The following PPP1R21 variants were observed in gnomAD, a reference collection of about 807,000 sequenced individuals.
PPP1R21 encodes the protein protein phosphatase 1 regulatory subunit 21.
PPP1R21 carries 85 observed loss-of-function variants against 112.8 expected under a neutral mutation model. That is an observed-to-expected ratio of 0.75 (90% confidence interval 0.63 to 0.90). PPP1R21 has a LOEUF of 0.90. PPP1R21 is among the 40% of genes least tolerant of loss of function. PPP1R21 has a pLI of 0.00. For missense variants in PPP1R21, 1,199 were observed against 901.5 expected (o/e 1.33, Z -4.23); for synonymous variants, 381 against 322.3 (o/e 1.18, Z -1.95).
In PPP1R21 at chr2:48,440,856, A is replaced by C; in HGVS notation, c.-98A>C. 4 of 845,386 alleles carry C rather than the reference A, an allele frequency of 4.7e-6. No homozygotes were observed. Among genetic ancestry groups the C allele is most frequent in the Non-Finnish European group, 7.5e-6 (4 of 531,926 alleles). 52.4% of individuals were successfully genotyped at this position (845,386 alleles called of 1,614,324 possible). A position where few individuals can be genotyped will look rare whatever the true frequency, so the allele number is the denominator to read the frequency against. On this transcript the variant is annotated 5_prime_UTR_variant, in exon 1 of 22. Transcript: ENST00000294952. ...GCGGCTGCGGTGGCCAAGCAGGCAG[A>C]TACTGCCTGACCCGTTCCCGGGAGC...
At position 48,458,118 on chromosome 2, in the gene PPP1R21, T is replaced by G; in HGVS notation, c.274-8T>G. 6.3e-7 allele frequency: 1 copy of G among 1,587,974 alleles called. No homozygotes were observed. The highest frequency in any genetic ancestry group is 8.6e-7 in the Non-Finnish European group (1 of 1,157,408). On this transcript the variant is annotated splice_polypyrimidine_tract_variant and splice_region_variant and intron_variant, in intron 3 of 21. Coordinates refer to ENST00000294952, the MANE Select transcript of PPP1R21 (RefSeq NM_001135629.3). ...AGTTATGTGGACATAACTTATTCTT[T>G]CCATCAGAAAAGTGGAGAATCTTCT...
At chr2:48,446,896 G>A (rs554324946) in intron 1 of PPP1R21, among the ~76,000 whole-genome samples, 1 of 151,916 alleles carries the variant, frequency 6.6e-6, no homozygotes, top group Non-Finnish European at 1.5e-5. Context: ...GATTACATGC[G>A]CCTGCCACCA....
At chr2:48,469,443 TAG>T (rs1553339225) in intron 9 of PPP1R21, among the ~76,000 whole-genome samples, 4 of 72,664 alleles carry the variant, frequency 5.5e-5, no homozygotes, top group South Asian at 4.2e-4. Flanking sequence ...TATATATATA[TAG>T]AGAGAGCATA....
At chr2:48,444,797 AT>A (rs1667176306) in intron 1 of PPP1R21, among the ~76,000 whole-genome samples, 2 of 152,164 alleles carry the variant, frequency 1.3e-5, no homozygotes, top group South Asian at 2.1e-4. Flanking sequence ...TTTGAAAATC[AT>A]TGATCAAGGA....
intron 6 of PPP1R21, among the ~76,000 whole-genome samples, chr2:48,460,560 A>T (rs999863181): frequency 2.0e-5 from 3 of 152,236 alleles, no homozygotes; most frequent in African/African-American, 7.2e-5. Flanking sequence ...AAATTTTAAA[A>T]TCAAAATACT....
intron 12 of PPP1R21, among the ~76,000 whole-genome samples, chr2:48,476,723 C>T (rs1292403247): frequency 6.6e-6 from 1 of 152,082 alleles, no homozygotes; most frequent in Non-Finnish European, 1.5e-5. Context: ...TTTTAATGTA[C>T]TTATTGGCCA....
At chr2:48,448,811 C>T (rs1414273096) in intron 1 of PPP1R21, among the ~76,000 whole-genome samples, 2 of 152,180 alleles carry the variant, frequency 1.3e-5, no homozygotes, top group African/African-American at 4.8e-5. Context: ...TTACCAAGCT[C>T]TGTAAGAGGC....
At chr2:48,492,391 T>C (rs1669608507) in intron 15 of PPP1R21, among the ~76,000 whole-genome samples, 1 of 152,194 alleles carries the variant, frequency 6.6e-6, no homozygotes, top group East Asian at 1.9e-4. Context: ...TTTTGCAATT[T>C]GCTTTTTTTT....
At chr2:48,498,112 G>C (rs947363609) in intron 16 of PPP1R21, among the ~76,000 whole-genome samples, 5 of 151,358 alleles carry the variant, frequency 3.3e-5, no homozygotes, top group African/African-American at 1.2e-4. Context: ...TTTTTTGTTG[G>C]GTTTTTTTTT....
intron 17 of PPP1R21, 118 bp from the exon 18 acceptor site, chr2:48,505,446 C>T: frequency 2.7e-6 from 2 of 752,066 alleles, no homozygotes; most frequent in South Asian, 3.2e-5. Flanking sequence ...GGATGATCTT[C>T]TAGTTCTGTA....
chr2:48,483,195 CTTT>C (rs755036470), intron 13 of PPP1R21, among the ~76,000 whole-genome samples: 32 of 80,910 alleles, frequency 4.0e-4, no homozygotes, highest in East Asian at 8.4e-4. Flanking sequence ...CTTTTTTTTC[CTTT>C]TTTTTTTTTT....
intron 3 of PPP1R21, among the ~76,000 whole-genome samples, chr2:48,454,994 T>C (rs182004394): frequency 7.9e-5 from 12 of 152,216 alleles, no homozygotes; most frequent in African/African-American, 2.9e-4. Flanking sequence ...TGCACAACCA[T>C]GCCTGGCTAA....
In PPP1R21 at chr2:48,509,843, T is replaced by G. The variant is rs528376869; in HGVS notation, c.2086-172T>G. On this transcript the variant is annotated intron_variant, in intron 19 of 21. Transcript: ENST00000294952. ...AAATGACAAAGCTGGGGGCCACTTC[T>G]TTCTTAGGTGTACTCTGATGTGTGA... Among the ~76,000 whole-genome samples the G allele has an allele frequency of 3.3e-5, 5 of 152,366 alleles. No individual in the cohort carries two copies. In the East Asian group the frequency reaches 9.6e-4, roughly 29 times the overall value.
rs1043964988 is a variant in PPP1R21, at chr2:48,444,560, C to T, written c.57+3550C>T. On this transcript the variant is annotated intron_variant, in intron 1 of 21. Coordinates refer to ENST00000294952, the MANE Select transcript of PPP1R21 (RefSeq NM_001135629.3). ...TTGCGGGAGCACTCTTGCCTGGCAC[C>T]GTGGTGTTTGTGTAAGCAAGTTTCA... 3.9e-5 allele frequency among the ~76,000 whole-genome samples: 6 copies of T among 152,326 alleles called. No individual in the cohort carries two copies. In the East Asian group the frequency reaches 7.7e-4, roughly 20 times the overall value.
intron 2 of PPP1R21, among the ~76,000 whole-genome samples, chr2:48,453,529 G>A (rs1163748215): frequency 2.0e-5 from 3 of 152,088 alleles, no homozygotes; most frequent in African/African-American, 7.2e-5. Context: ...GGCCATCTGT[G>A]TTTGACAATC....
intron 2 of PPP1R21, among the ~76,000 whole-genome samples, chr2:48,454,247 C>T (rs1455407416): frequency 4.6e-5 from 7 of 151,382 alleles, no homozygotes; most frequent in East Asian, 1.9e-4. Flanking sequence ...GGCAATAGAG[C>T]GAGACTCTGT....
In PPP1R21 at chr2:48,503,653, G is replaced by A. The variant is rs551988297; in HGVS notation, c.1936-1911G>A. 5.3e-5 allele frequency among the ~76,000 whole-genome samples: 8 copies of A among 152,144 alleles called. No homozygotes were observed. In the South Asian group the frequency reaches 1.7e-3, roughly 32 times the overall value. ...AATGTTAAAGTAATCTGTGTTAAAGGCTTTCCTTGCATTGTCGGGCGCGGT... is the reference window on the plus strand; with the variant it reads ...AATGTTAAAGTAATCTGTGTTAAAGACTTTCCTTGCATTGTCGGGCGCGGT... On this transcript the variant is annotated intron_variant, in intron 17 of 21. Transcript: ENST00000294952.
rs1457209234 is a variant in PPP1R21, at chr2:48,458,186, C to T, written c.334C>T (p.Leu112=). The change falls in exon 4 of 22, where the codon CTG becomes TTG. Residue 112 remains leucine, a synonymous_variant. Coordinates refer to ENST00000294952, the MANE Select transcript of PPP1R21 (RefSeq NM_001135629.3). The part of the protein sequence containing the change: ...QEQKSVFDED[L]QKKIEENERL... ...GCAGAAGAGTGTCTTTGATGAAGAT[C>T]TGCAAAAGAAGATAGAAGAGAATGA... 6.2e-7 allele frequency: 1 copy of T among 1,612,202 alleles called. No individual in the cohort carries two copies. Among genetic ancestry groups the T allele is most frequent in the Non-Finnish European group, 8.5e-7 (1 of 1,178,856 alleles).
At chr2:48,486,297 T>G (rs1441501547) in intron 13 of PPP1R21, among the ~76,000 whole-genome samples, 1 of 152,162 alleles carries the variant, frequency 6.6e-6, no homozygotes, top group Non-Finnish European at 1.5e-5. Flanking sequence ...TGTTACACTA[T>G]CAAAACAGTG....
Sources: gnomAD v4.1 joint callset for allele counts (sites outside exome capture counted in the v4.1 genomes callset) on GRCh38, gnomAD v4.1.1 for gene constraint, MANE v1.5 for transcripts, NCBI Gene and HGNC (gene_info 2026-07-23, HGNC 2026-07-21) for gene names.